The following NEGR1 variants were observed in gnomAD, a reference collection of about 807,000 sequenced individuals.
NEGR1 encodes IgLON family member 4.
Under a neutral mutation model 40.9 loss-of-function variants are expected in NEGR1, and 10 were observed. The observed-to-expected ratio is 0.24, with a 90% CI of 0.15 to 0.42. NEGR1 has a LOEUF of 0.42. NEGR1 is among the 10% of genes least tolerant of loss of function. NEGR1 has a pLI of 1.00. For synonymous variants in NEGR1, 185 were observed against 166.8 expected, an observed-to-expected ratio of 1.11 and a Z score of -0.84; for missense variants, 352 against 438.9, an observed-to-expected ratio of 0.80 and a Z score of 1.77.
intron 1 of NEGR1, among the ~76,000 whole-genome samples, chr1:72,103,987 A>G: frequency 6.6e-6 from 1 of 152,136 alleles, no homozygotes; most frequent in East Asian, 1.9e-4. Context: ...ATGTTTTGGT[A>G]TATAACCAAT....
At chr1:71,758,300 T>C (rs1244196530) in intron 3 of NEGR1, among the ~76,000 whole-genome samples, 1 of 152,136 alleles carries the variant, frequency 6.6e-6, no homozygotes, top group Non-Finnish European at 1.5e-5. Flanking sequence ...GTTTTATTAA[T>C]GTTTAAAAGA....
At chr1:71,487,688 A>G (rs1320426647) in intron 6 of NEGR1, among the ~76,000 whole-genome samples, 1 of 151,738 alleles carries the variant, frequency 6.6e-6, no homozygotes, top group African/African-American at 2.4e-5. Flanking sequence ...TTGCTCAGAA[A>G]TTTTGCTTAT....
In NEGR1 at chr1:72,087,887, C is replaced by A. The variant is rs1469501027; in HGVS notation, c.177-152576G>T. On this transcript the variant is annotated intron_variant, in intron 1 of 6. Coordinates refer to ENST00000357731, the MANE Select transcript of NEGR1 (RefSeq NM_173808.3). ...CTGAGATTAGGTCTGAGTCACTGCA[C>A]CCTGCCAGAGCATAACTGCATAATA... is the stretch of plus-strand genomic sequence containing the variant. 2.0e-5 allele frequency among the ~76,000 whole-genome samples: 3 copies of A among 151,762 alleles called. No individual in the cohort carries two copies. In the East Asian group the frequency reaches 5.8e-4, roughly 29 times the overall value.
intron 4 of NEGR1, among the ~76,000 whole-genome samples, chr1:71,663,118 G>C (rs1004924871): frequency 1.3e-5 from 2 of 151,834 alleles, no homozygotes; most frequent in East Asian, 3.9e-4. Flanking sequence ...CACCATGCCT[G>C]GCTAATTTTT....
intron 1 of NEGR1, among the ~76,000 whole-genome samples, chr1:72,277,735 T>C (rs908262681): frequency 1.3e-5 from 2 of 152,168 alleles, no homozygotes; most frequent in African/African-American, 4.8e-5. Context: ...TAATACTATT[T>C]AATAAACATA....
chr1:72,005,772 T>A (rs1229877742), intron 1 of NEGR1, among the ~76,000 whole-genome samples: 1 of 152,170 alleles, frequency 6.6e-6, no homozygotes, highest in East Asian at 1.9e-4. Flanking sequence ...AAGACAATCA[T>A]GTACAGATTC....
At chr1:71,747,145 G>C (rs569644785) in intron 3 of NEGR1, among the ~76,000 whole-genome samples, 2 of 151,998 alleles carry the variant, frequency 1.3e-5, no homozygotes, top group African/African-American at 4.8e-5. Context: ...ATATAAAGGG[G>C]CAATTGACTT....
chr1:72,084,546 G>A (rs532080970), intron 1 of NEGR1, among the ~76,000 whole-genome samples: 38 of 152,176 alleles, frequency 2.5e-4, no homozygotes, highest in African/African-American at 8.9e-4. Context: ...CCCTGTATTA[G>A]ATAGCAAGTT....
At chr1:71,896,385 T>G (rs915319617) in intron 2 of NEGR1, among the ~76,000 whole-genome samples, 1 of 152,322 alleles carries the variant, frequency 6.6e-6, no homozygotes, top group East Asian at 1.9e-4. Flanking sequence ...GACCACTTTC[T>G]AATTGAGTTA....
chr1:71,583,294 A>G (rs1175002829), intron 6 of NEGR1, among the ~76,000 whole-genome samples: 1 of 152,220 alleles, frequency 6.6e-6, no homozygotes, highest in Non-Finnish European at 1.5e-5. Flanking sequence ...AAGATTTATC[A>G]TGATGGTGAT....
At chr1:71,671,636 C>G (rs557760027) in intron 4 of NEGR1, among the ~76,000 whole-genome samples, 2 of 152,104 alleles carry the variant, frequency 1.3e-5, no homozygotes, top group African/African-American at 4.8e-5. Context: ...GGTCAGCCAT[C>G]CTTTATCTTT....
At chr1:72,041,787 A>C (rs1646956961) in intron 1 of NEGR1, among the ~76,000 whole-genome samples, 1 of 147,592 alleles carries the variant, frequency 6.8e-6, no homozygotes. Flanking sequence ...ATAGGCTTAC[A>C]AGTATTTCTT....
intron 1 of NEGR1, among the ~76,000 whole-genome samples, chr1:72,110,528 G>A (rs1466728263): frequency 6.6e-6 from 1 of 151,460 alleles, no homozygotes; most frequent in Admixed American, 6.6e-5. Context: ...TCCAGCATTA[G>A]CCACTTTTCA....
intron 1 of NEGR1, among the ~76,000 whole-genome samples, chr1:72,012,842 C>CATATATATAT (rs375131531): frequency 0.1 from 14,370 of 139,852 alleles, 1,012 homozygotes; most frequent in East Asian, 0.35. Context: ...TATATACATA[C>CATATATATAT]ATATATATAT....
intron 1 of NEGR1, among the ~76,000 whole-genome samples, chr1:72,129,976 C>T (rs1650180756): frequency 6.6e-6 from 1 of 152,140 alleles, no homozygotes; most frequent in African/African-American, 2.4e-5. Context: ...TTGAGAGTTT[C>T]ACCCCCTAGA....
chr1:71,511,123 A>G (rs1647070007), intron 6 of NEGR1, among the ~76,000 whole-genome samples: 1 of 152,180 alleles, frequency 6.6e-6, no homozygotes, highest in South Asian at 2.1e-4. Context: ...GGTAAGACAG[A>G]GCATTTTGAC....
intron 6 of NEGR1, among the ~76,000 whole-genome samples, chr1:71,491,123 A>T (rs1160359685): frequency 2.0e-5 from 3 of 152,040 alleles, no homozygotes; most frequent in Non-Finnish European, 4.4e-5. Flanking sequence ...TATTTAAAAA[A>T]TTGCACCTGT....
At chr1:72,157,608 G>T (rs1651406884) in intron 1 of NEGR1, among the ~76,000 whole-genome samples, 1 of 152,006 alleles carries the variant, frequency 6.6e-6, no homozygotes, top group South Asian at 2.1e-4. Flanking sequence ...ATATGAAGAG[G>T]TTATCTCTTA....
chr1:71,530,911 AT>A (rs1406551057), intron 6 of NEGR1, among the ~76,000 whole-genome samples: 2 of 150,724 alleles, frequency 1.3e-5, no homozygotes, highest in Non-Finnish European at 3.0e-5. Context: ...GTGTGTGTGT[AT>A]TTTTCCCCCA....
Sources: gnomAD v4.1 joint callset for allele counts (sites outside exome capture counted in the v4.1 genomes callset) on GRCh38, gnomAD v4.1.1 for gene constraint, MANE v1.5 for transcripts, NCBI Gene and HGNC (gene_info 2026-07-23, HGNC 2026-07-21) for gene names.